GMEB2: variants seen among roughly 807,000 people sequenced by gnomAD.
GMEB2 encodes the protein glucocorticoid modulatory element binding protein 2.
Under a neutral mutation model 45.7 loss-of-function variants are expected in GMEB2, and 7 were observed. That is an observed-to-expected ratio of 0.15 (90% CI 0.09 to 0.29). The LOEUF (loss-of-function observed/expected upper bound fraction) is 0.29, where lower values mean the gene tolerates loss of function less well. GMEB2 is among the 10% of genes least tolerant of loss of function. The pLI, the probability that GMEB2 is intolerant of heterozygous loss-of-function variation, is 1.00. For synonymous variants in GMEB2, 322 were observed against 323.6 expected, an observed-to-expected ratio of 1.00 and a Z score of 0.05; for missense variants, 582 against 739.2, an observed-to-expected ratio of 0.79 and a Z score of 2.47.
intron 4 of GMEB2, among the ~76,000 whole-genome samples, chr20:63,600,219 A>T (rs1001651241): frequency 6.6e-6 from 1 of 151,058 alleles, no homozygotes; most frequent in Middle Eastern, 3.2e-3. Flanking sequence ...ATTTTTTTGT[A>T]TTTGTCGCAG....
rs2083138867 is a variant in GMEB2 at position 63,590,645 on chromosome 20, G to A, written c.1037C>T (p.Thr346Met). 1 of 1,584,530 alleles carries A rather than the reference G, an allele frequency of 6.3e-7. No individual in the cohort carries two copies. ...CGGTGGCAGGGAGACCGGCGTCAGC[G>A]TCATGAGCACGTTGCTGAGGTGCTG... is the stretch of plus-strand genomic sequence containing the variant. ...KSQHLSNVLM[T>M]LTPVSLPPPV... Residue 346 changes from threonine (T) to methionine (M), a missense_variant, in exon 10 of 10, where the codon ACG becomes ATG. By Grantham distance (81) the Thr-to-Met change is moderately conservative. This residue lies in a region of GMEB2 where 462 missense variants were observed against 586.7 expected (regional missense o/e 0.79). Transcript: ENST00000370077.
intron 2 of GMEB2, among the ~76,000 whole-genome samples, chr20:63,606,010 T>A (rs2089516264): frequency 6.6e-6 from 1 of 151,820 alleles, no homozygotes; most frequent in Admixed American, 6.6e-5. Flanking sequence ...AGGCAGCGAG[T>A]GCCCCAGCAA....
In GMEB2 at chr20:63,593,641, G is replaced by A. The variant is rs1310113138; in HGVS notation, c.620-559C>T. On this transcript the variant is annotated intron_variant, in intron 6 of 9. Coordinates refer to ENST00000370077, the MANE Select transcript of GMEB2 (RefSeq NM_012384.5). The surrounding 1 kb of genome is among the most constrained non-coding windows in gnomAD (Gnocchi z 4.7). ...CTCTTCCTGTGGGTCCCTCTCTCGC[G>A]CCTGCAGAACACAACTGGGCGTGTC... Among the ~76,000 whole-genome samples the A allele has an allele frequency of 2.0e-5, 3 of 152,106 alleles. No homozygotes were observed. Among genetic ancestry groups the A allele is most frequent in the African/African-American group, 4.8e-5 (2 of 41,396 alleles).
At chr20:63,601,305 C>G (rs1169340771) in intron 4 of GMEB2, among the ~76,000 whole-genome samples, 1 of 152,152 alleles carries the variant, frequency 6.6e-6, no homozygotes, top group Non-Finnish European at 1.5e-5. Context: ...GTGGACCACT[C>G]TTTCTCAGTT....
At chr20:63,605,103 A>T (rs1176280694) in intron 2 of GMEB2, among the ~76,000 whole-genome samples, 1 of 151,422 alleles carries the variant, frequency 6.6e-6, no homozygotes, top group Non-Finnish European at 1.5e-5. Context: ...AAAATACAAA[A>T]ATTACCTGGA....
In GMEB2 at chr20:63,588,281, C is replaced by T. The variant is rs999404202; in HGVS notation, c.*1808G>A. On this transcript the variant is annotated 3_prime_UTR_variant, in exon 10 of 10. Transcript: ENST00000370077. ...GTTCTGTTGACGAGGGCTGTCAAGG[C>T]AGACGCACTCGTGACTTTGACAAAG... is the stretch of plus-strand genomic sequence containing the variant. 1.0e-4 allele frequency: 16 copies of T among 154,330 alleles called. No individual in the cohort carries two copies. Among genetic ancestry groups the T allele is most frequent in the African/African-American group, 3.1e-4 (13 of 41,526 alleles). 9.6% of individuals were successfully genotyped at this position (154,330 alleles called of 1,614,324 possible).
chr20:63,597,892 T>C lies in GMEB2; in HGVS notation c.358-32A>G, dbSNP rs769178366. On this transcript the variant is annotated intron_variant, in intron 4 of 9. Transcript: ENST00000370077. ...GGGACACAGTCATGTGGGTCAAGCTTGGCCGGGACACCACATAGGGTGCCC... is the reference window on the plus strand; with the variant it reads ...GGGACACAGTCATGTGGGTCAAGCTCGGCCGGGACACCACATAGGGTGCCC... The C allele has an allele frequency of 9.5e-6, 12 of 1,257,502 alleles. No homozygotes were observed. The Admixed American group carries it at 1.3e-4, about 14-fold the overall frequency. The allele number at this position is 1,257,502 out of a possible 1,614,324, so 77.9% of individuals were successfully genotyped here. A position where few individuals can be genotyped will look rare whatever the true frequency, so the allele number is the denominator to read the frequency against.
chr20:63,603,266 G>C (rs900207967), intron 3 of GMEB2, among the ~76,000 whole-genome samples, 174 bp from the exon 4 acceptor site: 1 of 152,152 alleles, frequency 6.6e-6, no homozygotes, highest in Non-Finnish European at 1.5e-5. Context: ...AGTGCCATTA[G>C]AGTTTCAGGG....
intron 2 of GMEB2, among the ~76,000 whole-genome samples, chr20:63,606,840 G>A (rs547152231): frequency 2.0e-5 from 3 of 152,300 alleles, no homozygotes; most frequent in African/African-American, 7.2e-5. Flanking sequence ...AGACACTCAT[G>A]ACAAATGCAA....
At position 63,590,414 on chromosome 20, in the gene GMEB2, G is replaced by C. The variant is rs780808629; in HGVS notation, c.1268C>G (p.Pro423Arg). Residue 423 changes from proline (P) to arginine (R), a missense_variant, in exon 10 of 10, where the codon CCG becomes CGG. Around this residue, in one of 3 missense-constraint regions of GMEB2, gnomAD observed 462 missense variants for 586.7 expected, o/e 0.79. Coordinates refer to ENST00000370077, the MANE Select transcript of GMEB2 (RefSeq NM_012384.5). Reference protein sequence around the residue: ...GSLQAPPASSPASPLLGGYTV... With the variant: ...GSLQAPPASSRASPLLGGYTV... Reference sequence around the variant, plus strand: ...GTATCCCCCGAGCAGCGGGGAGGCCGGGGAGCTGGCGGGGGGCGCCTGAAG... The same window carrying C: ...GTATCCCCCGAGCAGCGGGGAGGCCCGGGAGCTGGCGGGGGGCGCCTGAAG... The C allele has an allele frequency of 6.4e-7, 1 of 1,569,772 alleles. No individual in the cohort carries two copies. The highest frequency in any genetic ancestry group is 8.7e-7 in the Non-Finnish European group (1 of 1,152,172).
chr20:63,619,510 T>TCTCC lies in GMEB2; in HGVS notation c.-57-57_-57-56insGGAG. ...GAGTCATCTCCACATCCACACAACA[T>TCTCC]AGCACTCACAAAGGCATCTCTAATC... On this transcript the variant is annotated intron_variant, in intron 1 of 9. Coordinates refer to ENST00000370077, the MANE Select transcript of GMEB2 (RefSeq NM_012384.5). This position sits in a 1 kb window ranked among gnomAD's most constrained non-coding sequence, Gnocchi z 4.6. The TCTCC allele has an allele frequency of 1.9e-6, 2 of 1,049,834 alleles. No individual in the cohort carries two copies. The highest frequency in any genetic ancestry group is 3.2e-5 in the African/African-American group (2 of 62,556). 65.0% of individuals were successfully genotyped at this position (1,049,834 alleles called of 1,614,324 possible). A position where few individuals can be genotyped will look rare whatever the true frequency, so the allele number is the denominator to read the frequency against.
At position 63,592,019 on chromosome 20, in the gene GMEB2, T is replaced by C. The variant is rs754797326; in HGVS notation, c.952+3A>G. 3.1e-6 allele frequency: 5 copies of C among 1,609,254 alleles called. No individual in the cohort carries two copies. Among genetic ancestry groups the C allele is most frequent in the Non-Finnish European group, 2.5e-6 (3 of 1,179,286 alleles). On this transcript the variant is annotated splice_donor_region_variant and intron_variant, in intron 9 of 9. Transcript: ENST00000370077. This position sits in a 1 kb window ranked among gnomAD's most constrained non-coding sequence, Gnocchi z 8.2. ...GGACGGGACGGGGGTGGTCTCAGCA[T>C]ACCTGCCAGGTCCCGGGCGTACTGC...
At chr20:63,601,808 C>A (rs1369314987) in intron 4 of GMEB2, among the ~76,000 whole-genome samples, 1 of 151,874 alleles carries the variant, frequency 6.6e-6, no homozygotes, top group Non-Finnish European at 1.5e-5. Context: ...TTCTGTGGGG[C>A]CTGTGGCTTC....
chr20:63,612,656 T>C (rs1475864263), intron 2 of GMEB2, among the ~76,000 whole-genome samples: 1 of 152,216 alleles, frequency 6.6e-6, no homozygotes, highest in African/African-American at 2.4e-5. Flanking sequence ...GGAGGCCCAC[T>C]TTCCTCTGCA....
chr20:63,596,026 C>T (rs1191979119), intron 5 of GMEB2, among the ~76,000 whole-genome samples: 1 of 152,208 alleles, frequency 6.6e-6, no homozygotes, highest in Admixed American at 6.5e-5. Flanking sequence ...CAGTGGGTGT[C>T]CTGGAGGTGC....
chr20:63,607,773 T>G (rs2089533139), intron 2 of GMEB2, among the ~76,000 whole-genome samples: 1 of 14,222 alleles, frequency 7.0e-5, no homozygotes, highest in East Asian at 8.4e-4. Context: ...AACATGCCCC[T>G]CTGACCCCAC....
chr20:63,597,863 GT>G lies in GMEB2; in HGVS notation c.358-4del, dbSNP rs1343373216. On this transcript the variant is annotated splice_polypyrimidine_tract_variant and splice_region_variant and intron_variant, in intron 4 of 9. Coordinates refer to ENST00000370077, the MANE Select transcript of GMEB2 (RefSeq NM_012384.5). ...GGGCTGATTACATGCTCGTCGTACT[GT>G]GGGGGACACAGTCATGTGGGTCAAG... 6.4e-7 allele frequency: 1 copy of G among 1,560,188 alleles called. No homozygotes were observed. The highest frequency in any genetic ancestry group is 8.8e-7 in the Non-Finnish European group (1 of 1,131,134).
At position 63,595,645 on chromosome 20, in the gene GMEB2, G is replaced by A. The variant is rs1569049165; in HGVS notation, c.584C>T (p.Ala195Val). Reference protein sequence around the residue: ...ARVSLSSPTSAEYIPLTPAAA... With the variant: ...ARVSLSSPTSVEYIPLTPAAA... ...GGCGGGCGTGAGGGGAATGTACTCGGCCGACGTGGGGCTGCTCAGGGACAC... is the reference window on the plus strand; with the variant it reads ...GGCGGGCGTGAGGGGAATGTACTCGACCGACGTGGGGCTGCTCAGGGACAC... The change falls in exon 6 of 10, where the codon GCC becomes GTC. Residue 195 changes from alanine to valine, a missense_variant. Coordinates refer to ENST00000370077, the MANE Select transcript of GMEB2 (RefSeq NM_012384.5). 1 of 1,613,222 alleles carries A rather than the reference G, an allele frequency of 6.2e-7. No individual in the cohort carries two copies. Among genetic ancestry groups the A allele is most frequent in the Admixed American group, 1.7e-5 (1 of 59,960 alleles).
intron 1 of GMEB2, among the ~76,000 whole-genome samples, chr20:63,622,301 G>A (rs1464033789): frequency 6.6e-6 from 1 of 152,176 alleles, no homozygotes; most frequent in East Asian, 1.9e-4. Flanking sequence ...GGTCCCCTGC[G>A]GAGAGTCTGG....
Sources: allele counts gnomAD v4.1 joint callset (sites outside exome capture counted in the v4.1 genomes callset), GRCh38; gene constraint gnomAD v4.1.1; regional missense constraint gnomAD v4.1.1; non-coding constraint Gnocchi (gnomAD v3.1); transcripts MANE v1.5; gene names NCBI Gene and HGNC (gene_info 2026-07-23, HGNC 2026-07-21).